Variants in STAM observed in about 807,000 individuals in gnomAD.
STAM encodes signal transducing adaptor molecule, also known as signal transducing adapter molecule 1.
A neutral mutation model predicts 63.4 loss-of-function variants in STAM; 16 were observed. The ratio of observed to expected loss-of-function variants is 0.25; its 90% CI spans 0.17 to 0.38. The LOEUF (loss-of-function observed/expected upper bound fraction) is 0.38, where lower values mean the gene tolerates loss of function less well. Among genes scored for constraint, STAM ranks in the 10% least tolerant of loss-of-function variants. The probability of loss-of-function intolerance (pLI) is 1.00; values close to 1 mark genes in which losing one functional copy is unlikely to be tolerated. For missense variants in STAM, 636 were observed against 657.1 expected (o/e 0.97, Z 0.35); for synonymous variants, 238 against 223.9 (o/e 1.06, Z -0.56).
At chr10:17,712,281 G>C (rs954832436) in intron 13 of STAM, among the ~76,000 whole-genome samples, 1 of 152,176 alleles carries the variant, frequency 6.6e-6, no homozygotes, top group African/African-American at 2.4e-5. Context: ...GTCCCACTTA[G>C]CTAAGATTCT....
intron 12 of STAM, 104 bp from the exon 13 acceptor site, chr10:17,708,672 G>A (rs939255127): frequency 8.5e-7 from 1 of 1,175,380 alleles, no homozygotes; most frequent in Non-Finnish European, 1.1e-6. Context: ...GGATTCCAGA[G>A]TGGTGATTTT....
At chr10:17,671,245 G>C (rs1834628866) in intron 2 of STAM, among the ~76,000 whole-genome samples, 1 of 152,088 alleles carries the variant, frequency 6.6e-6, no homozygotes, top group African/African-American at 2.4e-5. Flanking sequence ...CCACAGTAAA[G>C]CTTTTTTTGT....
chr10:17,689,217 G>A (rs1554826480), intron 5 of STAM, among the ~76,000 whole-genome samples: 1 of 152,148 alleles, frequency 6.6e-6, no homozygotes, highest in African/African-American at 2.4e-5. Flanking sequence ...TAAAATATGT[G>A]CTGATTTACT....
At chr10:17,661,741 A>G (rs542129315) in intron 2 of STAM, among the ~76,000 whole-genome samples, 1 of 152,260 alleles carries the variant, frequency 6.6e-6, no homozygotes, top group Admixed American at 6.5e-5. Context: ...TAATCTCTCA[A>G]AATGTTGACG....
chr10:17,695,220 T>TTA lies in STAM; in HGVS notation c.709_710dup (p.Thr238LeufsTer20). On this transcript the variant is annotated frameshift_variant, in exon 7 of 14. Coordinates refer to ENST00000377524, the MANE Select transcript of STAM (RefSeq NM_003473.4). LOFTEE classifies it high-confidence loss of function. ...GAACTTACTTTTAAAGCTGGAGAAA[T>TTA]TATTACAGTTCTTGATGACAGGTAA... 1 of 1,613,814 alleles carries TTA rather than the reference T, an allele frequency of 6.2e-7. No individual in the cohort carries two copies. The highest frequency in any genetic ancestry group is 8.5e-7 in the Non-Finnish European group (1 of 1,179,868).
At chr10:17,685,037 T>C (rs1835239549) in intron 4 of STAM, 110 bp downstream of exon 4, 4 of 824,288 alleles carry the variant, frequency 4.9e-6, no homozygotes, top group Non-Finnish European at 7.5e-6. Context: ...AAATCCTTTC[T>C]AGGCTGTGTC....
At chr10:17,655,734 A>G (rs566245462) in intron 1 of STAM, among the ~76,000 whole-genome samples, 13 of 152,286 alleles carry the variant, frequency 8.5e-5, no homozygotes, top group Admixed American at 8.5e-4. Flanking sequence ...CATTACAGAT[A>G]AGAATCTTGG....
intron 13 of STAM, among the ~76,000 whole-genome samples, chr10:17,713,680 A>T (rs182635823): frequency 5.9e-5 from 9 of 151,930 alleles, no homozygotes; most frequent in Admixed American, 5.9e-4. Flanking sequence ...CTAGACTCTG[A>T]CCCTTTCTCC....
In STAM at chr10:17,660,658, G is replaced by A. The variant is rs527387682; in HGVS notation, c.125+110G>A. On this transcript the variant is annotated intron_variant, in intron 2 of 13. Transcript: ENST00000377524. ...CCCAGCCCCTCGGTAGGATGAGGTG[G>A]GAGGATCGCTTGAGCCCAGGAGTTA... 89 of 724,858 alleles carry A rather than the reference G, an allele frequency of 1.2e-4. 1 individual carries two copies. In the African/African-American group the frequency reaches 1.5e-3, roughly 12 times the overall value. 44.9% of individuals were successfully genotyped at this position (724,858 alleles called of 1,614,324 possible).
intron 13 of STAM, among the ~76,000 whole-genome samples, chr10:17,709,332 A>G (rs1276624104): frequency 6.6e-6 from 1 of 152,190 alleles, no homozygotes; most frequent in Admixed American, 6.5e-5. Context: ...CCGTTATTTT[A>G]AAATATATAG....
At chr10:17,702,004 C>T (rs1836019813) in intron 9 of STAM, among the ~76,000 whole-genome samples, 1 of 152,084 alleles carries the variant, frequency 6.6e-6, no homozygotes, top group African/African-American at 2.4e-5. Flanking sequence ...ACTGTCATTC[C>T]ATTCCATCTT....
chr10:17,701,056 A>G, intron 9 of STAM, among the ~76,000 whole-genome samples: 1 of 152,330 alleles, frequency 6.6e-6, no homozygotes, highest in Middle Eastern at 3.4e-3. Context: ...TTTAGTAATT[A>G]TGCTCAAAAA....
chr10:17,710,007 T>C (rs1385260950), intron 13 of STAM, among the ~76,000 whole-genome samples: 1 of 145,196 alleles, frequency 6.9e-6, no homozygotes, highest in Non-Finnish European at 1.5e-5. Flanking sequence ...ATGAATACCC[T>C]TCTGGAAAAT....
intron 5 of STAM, among the ~76,000 whole-genome samples, chr10:17,689,141 G>A (rs1554826459): frequency 6.6e-6 from 1 of 152,174 alleles, no homozygotes; most frequent in Non-Finnish European, 1.5e-5. Flanking sequence ...ATCAAGAAAT[G>A]TCTTTTTTAT....
chr10:17,711,180 C>G (rs1836538005), intron 13 of STAM, among the ~76,000 whole-genome samples: 2 of 152,198 alleles, frequency 1.3e-5, no homozygotes, highest in South Asian at 2.1e-4. Context: ...TCTCTTGTTA[C>G]ATAAAATTTT....
At chr10:17,693,398 T>C in intron 6 of STAM, 86 bp downstream of exon 6, 3 of 1,167,228 alleles carry the variant, frequency 2.6e-6, no homozygotes, top group Middle Eastern at 2.0e-4. Flanking sequence ...AATAGAACTT[T>C]ATAGCAAAAA....
intron 2 of STAM, among the ~76,000 whole-genome samples, chr10:17,674,661 A>G (rs936449553): frequency 1.2e-4 from 18 of 152,304 alleles, no homozygotes; most frequent in Admixed American, 2.0e-4. Context: ...CACTTCCACT[A>G]TATTTTATTG....
chr10:17,708,600 C>T (rs1836405019), intron 12 of STAM, among the ~76,000 whole-genome samples, 176 bp from the exon 13 acceptor site: 1 of 151,528 alleles, frequency 6.6e-6, no homozygotes, highest in African/African-American at 2.5e-5. Context: ...AAACCATCAA[C>T]AGCCTATTTC....
chr10:17,700,525 G>T (rs1205356090), intron 9 of STAM, among the ~76,000 whole-genome samples: 1 of 151,466 alleles, frequency 6.6e-6, no homozygotes, highest in Non-Finnish European at 1.5e-5. Flanking sequence ...GCCTTACCAT[G>T]ATTTATTTAA....
Sources: gnomAD v4.1 joint callset for allele counts (sites outside exome capture counted in the v4.1 genomes callset) on GRCh38, gnomAD v4.1.1 for gene constraint, MANE v1.5 for transcripts, NCBI Gene and HGNC (gene_info 2026-07-23, HGNC 2026-07-21) for gene names.